Variants in PCSK2 observed in about 807,000 individuals in gnomAD.
PCSK2 encodes neuroendocrine convertase 2.
PCSK2 carries 14 observed loss-of-function variants against 69.7 expected under a neutral mutation model. The ratio of observed to expected loss-of-function variants is 0.20; its 90% CI spans 0.13 to 0.31. The LOEUF is 0.31. Among genes scored for constraint, PCSK2 ranks in the 10% least tolerant of loss-of-function variants. The probability of loss-of-function intolerance (pLI) is 1.00; values close to 1 mark genes in which losing one functional copy is unlikely to be tolerated. For missense variants in PCSK2, 544 were observed against 842.5 expected (o/e 0.65, Z 4.39); for synonymous variants, 307 against 320.7 (o/e 0.96, Z 0.46).
At chr20:17,471,146 T>C (rs1174420270) in intron 11 of PCSK2, among the ~76,000 whole-genome samples, 1 of 152,048 alleles carries the variant, frequency 6.6e-6, no homozygotes, top group Non-Finnish European at 1.5e-5. Flanking sequence ...AGAGAGGGAA[T>C]GAGGGCGTAT....
At chr20:17,422,485 T>A (rs773566085) in intron 6 of PCSK2, among the ~76,000 whole-genome samples, 4 of 152,174 alleles carry the variant, frequency 2.6e-5, no homozygotes, top group African/African-American at 9.7e-5. Context: ...AGATATCATA[T>A]CAAATTAATA....
chr20:17,367,525 A>G (rs958804015), intron 4 of PCSK2, among the ~76,000 whole-genome samples: 1 of 152,242 alleles, frequency 6.6e-6, no homozygotes, highest in African/African-American at 2.4e-5. Flanking sequence ...TTCAAAGCCT[A>G]TGCTCATCCC....
intron 6 of PCSK2, among the ~76,000 whole-genome samples, chr20:17,413,209 A>C (rs1338088810): frequency 6.6e-6 from 1 of 152,246 alleles, no homozygotes; most frequent in African/African-American, 2.4e-5. Context: ...AATGGGCTAA[A>C]TGCCCCAATT....
chr20:17,321,949 ATC>A (rs1325055923), intron 2 of PCSK2, among the ~76,000 whole-genome samples: 1 of 151,972 alleles, frequency 6.6e-6, no homozygotes, highest in Non-Finnish European at 1.5e-5. Flanking sequence ...TGCTTTGAAA[ATC>A]TCTCTTGTGA....
At chr20:17,433,190 T>C (rs1036699214) in intron 7 of PCSK2, among the ~76,000 whole-genome samples, 9 of 152,238 alleles carry the variant, frequency 5.9e-5, no homozygotes, top group Non-Finnish European at 1.2e-4. Context: ...CTGTTGACCA[T>C]TGTGAAAATG....
chr20:17,426,298 G>A lies in PCSK2; in HGVS notation c.621-3137G>A, dbSNP rs192615558. ...CTCCTTCCTGCCACCCTGTGAAGAG[G>A]TGCCTTCCACCATGATTTTAAGTTT... On this transcript the variant is annotated intron_variant, in intron 6 of 11. Coordinates refer to ENST00000262545, the MANE Select transcript of PCSK2 (RefSeq NM_002594.5). Among the ~76,000 whole-genome samples, 147 of 152,242 alleles carry A rather than the reference G, an allele frequency of 9.7e-4. No homozygotes were observed. In the Middle Eastern group the frequency reaches 0.01, roughly 11 times the overall value.
At chr20:17,479,451 G>A in intron 11 of PCSK2, 7 of 555,624 alleles carry the variant, frequency 1.3e-5, no homozygotes, top group Middle Eastern at 2.8e-4. Context: ...TGTTCTCCCT[G>A]GGGGCGGAGC....
intron 2 of PCSK2, among the ~76,000 whole-genome samples, chr20:17,322,943 A>C (rs949891256): frequency 2.0e-5 from 3 of 151,954 alleles, no homozygotes; most frequent in Non-Finnish European, 4.4e-5. Flanking sequence ...GGCTTACTAC[A>C]ATCTCCACCT....
intron 5 of PCSK2, among the ~76,000 whole-genome samples, chr20:17,392,938 G>A (rs1056525609): frequency 1.3e-5 from 2 of 152,144 alleles, no homozygotes; most frequent in African/African-American, 4.8e-5. Context: ...GGATTGAGGG[G>A]CTGTATGGTA....
chr20:17,387,674 C>G (rs1473448664), intron 5 of PCSK2, among the ~76,000 whole-genome samples: 1 of 152,118 alleles, frequency 6.6e-6, no homozygotes, highest in Non-Finnish European at 1.5e-5. Flanking sequence ...TTTGAAATGT[C>G]CTATTGGTTA....
In PCSK2 at chr20:17,481,584, GA is replaced by G; in HGVS notation, c.1435del (p.Ile479TyrfsTer9). The G allele has an allele frequency of 6.2e-7, 1 of 1,613,388 alleles. No homozygotes were observed. The highest frequency in any genetic ancestry group is 8.5e-7 in the Non-Finnish European group (1 of 1,179,684). ...TATCTCCTCTTCACTCTGCCCTCAG[GA>G]AAATACCATCCACTGGCAAGTTGGT... is the stretch of plus-strand genomic sequence containing the variant. ...CVGGSVQDPE[K>X]IPSTGKLVLT... On this transcript the variant is annotated frameshift_variant and splice_region_variant, in exon 12 of 12. Coordinates refer to ENST00000262545, the MANE Select transcript of PCSK2 (RefSeq NM_002594.5). LOFTEE classifies it high-confidence loss of function.
intron 5 of PCSK2, among the ~76,000 whole-genome samples, chr20:17,385,364 C>T (rs779072869): frequency 2.0e-5 from 3 of 152,292 alleles, no homozygotes; most frequent in Middle Eastern, 3.4e-3. Flanking sequence ...GGGCATAGCA[C>T]CCTCATTTGA....
At chr20:17,383,973 C>T (rs2031160818) in intron 5 of PCSK2, among the ~76,000 whole-genome samples, 1 of 152,196 alleles carries the variant, frequency 6.6e-6, no homozygotes, top group Non-Finnish European at 1.5e-5. Flanking sequence ...AAATTAGACT[C>T]ATCCCATTGT....
chr20:17,395,782 G>T (rs1451075722), intron 5 of PCSK2, among the ~76,000 whole-genome samples: 1 of 152,188 alleles, frequency 6.6e-6, no homozygotes, highest in Admixed American at 6.5e-5. Flanking sequence ...CATCTAAGAT[G>T]TGTTTTAGAC....
intron 2 of PCSK2, among the ~76,000 whole-genome samples, chr20:17,334,675 G>A (rs1481683654): frequency 6.6e-6 from 1 of 152,156 alleles, no homozygotes; most frequent in Non-Finnish European, 1.5e-5. Context: ...AACAACACCT[G>A]GAAGAAAATG....
chr20:17,316,562 T>C (rs1600484526), intron 2 of PCSK2, among the ~76,000 whole-genome samples: 1 of 152,156 alleles, frequency 6.6e-6, no homozygotes, highest in African/African-American at 2.4e-5. Context: ...AGTGTCAGAG[T>C]CTGATTCTAA....
At chr20:17,337,798 G>A (rs6080640) in intron 2 of PCSK2, among the ~76,000 whole-genome samples, 27,532 of 151,640 alleles carry the variant, frequency 0.18, 2,903 homozygotes, top group Middle Eastern at 0.27. Flanking sequence ...GTATGGTGGT[G>A]CATGCCTGTA....
Sources: gnomAD v4.1 joint callset for allele counts (sites outside exome capture counted in the v4.1 genomes callset) on GRCh38, gnomAD v4.1.1 for gene constraint, MANE v1.5 for transcripts, NCBI Gene and HGNC (gene_info 2026-07-23, HGNC 2026-07-21) for gene names.